Variants in NOL12 observed in about 807,000 individuals in gnomAD.
NOL12 encodes the protein nucleolar protein 12.
NOL12 carries 21 observed loss-of-function variants against 25.2 expected under a neutral mutation model. That is an observed-to-expected ratio of 0.83 (90% confidence interval 0.59 to 1.20). The LOEUF (loss-of-function observed/expected upper bound fraction) is 1.20, where lower values mean the gene tolerates loss of function less well. Among genes scored for constraint, NOL12 ranks in the 50% most tolerant of loss-of-function variants. The pLI is 0.00. For synonymous variants in NOL12, 133 were observed against 113.8 expected, an observed-to-expected ratio of 1.17 and a Z score of -1.08; for missense variants, 286 against 287.6, an observed-to-expected ratio of 0.99 and a Z score of 0.04.
Position 37,692,908 on chromosome 22 carries a change from T to G in NOL12, c.*1572T>G. ...CCACTGATGAAGGCTGGTGGGAGTC[T>G]GAGGGCTGCACCCGGGTATGGTGAG... On this transcript the variant is annotated 3_prime_UTR_variant, in exon 6 of 6. Coordinates refer to ENST00000359114, the MANE Select transcript of NOL12 (RefSeq NM_024313.3). The G allele has an allele frequency of 2.5e-6, 1 of 393,452 alleles. No individual in the cohort carries two copies. The highest frequency in any genetic ancestry group is 2.1e-5 in the African/African-American group (1 of 48,676). 24.4% of individuals were successfully genotyped at this position (393,452 alleles called of 1,614,324 possible). A position where few individuals can be genotyped will look rare whatever the true frequency, so the allele number is the denominator to read the frequency against.
At position 37,691,437 on chromosome 22, in the gene NOL12, C is replaced by A; in HGVS notation, c.*101C>A. The A allele has an allele frequency of 7.4e-7, 1 of 1,347,760 alleles. No individual in the cohort carries two copies. The highest frequency in any genetic ancestry group is 9.9e-7 in the Non-Finnish European group (1 of 1,014,002). The allele number at this position is 1,347,760 out of a possible 1,614,324, so 83.5% of individuals were successfully genotyped here. ...AGCCTGCACCTAGGTAATGACTGCACAGCTCAAGGTTGGGAAGCCAGGACC... is the reference window on the plus strand; with the variant it reads ...AGCCTGCACCTAGGTAATGACTGCAAAGCTCAAGGTTGGGAAGCCAGGACC... On this transcript the variant is annotated 3_prime_UTR_variant, in exon 6 of 6. Coordinates refer to ENST00000359114, the MANE Select transcript of NOL12 (RefSeq NM_024313.3).
chr22:37,687,611 C>A (rs1257899833), intron 1 of NOL12, among the ~76,000 whole-genome samples: 1 of 152,164 alleles, frequency 6.6e-6, no homozygotes, highest in African/African-American at 2.4e-5. Flanking sequence ...GCATGCGCCA[C>A]CAAGCCCAGC....
chr22:37,690,705 T>C lies in NOL12; in HGVS notation c.390T>C (p.Ala130=). Residue 130 remains alanine (A), a synonymous_variant, in exon 5 of 6, where the codon GCT becomes GCC. Coordinates refer to ENST00000359114, the MANE Select transcript of NOL12 (RefSeq NM_024313.3). Reference sequence around the variant, plus strand: ...GTCTTGTGCCTCTTTAGGGAGGGGCTGGAGACAGGTCTGAGGAGGAGGCGT... The same window carrying C: ...GTCTTGTGCCTCTTTAGGGAGGGGCCGGAGACAGGTCTGAGGAGGAGGCGT... ...LLGLTPPEGG[A]GDRSEEEASS... is the part of the protein sequence containing the mutation. 1.9e-6 allele frequency: 3 copies of C among 1,613,046 alleles called. No homozygotes were observed. The highest frequency in any genetic ancestry group is 2.5e-6 in the Non-Finnish European group (3 of 1,179,214).
Position 37,692,564 on chromosome 22 carries a change from AGAG to A in NOL12, c.*1232_*1234del, listed in dbSNP as rs898493984. On this transcript the variant is annotated 3_prime_UTR_variant, in exon 6 of 6. Transcript: ENST00000359114. ...GAGAATTTCAGGTTGTGCCTTGGTT[AGAG>A]GAGCTGTGTTGGGTCCTAAACACTA... 4.3e-5 allele frequency: 17 copies of A among 398,626 alleles called. No homozygotes were observed. The highest frequency in any genetic ancestry group is 7.1e-5 in the Non-Finnish European group (16 of 226,088). The allele number at this position is 398,626 out of a possible 1,614,324, so 24.7% of individuals were successfully genotyped here. A position where few individuals can be genotyped will look rare whatever the true frequency, so the allele number is the denominator to read the frequency against.
chr22:37,687,891 G>A lies in NOL12; in HGVS notation c.84-19G>A, dbSNP rs1257835531. 1 of 1,546,368 alleles carries A rather than the reference G, an allele frequency of 6.5e-7. No individual in the cohort carries two copies. The highest frequency in any genetic ancestry group is 8.8e-7 in the Non-Finnish European group (1 of 1,141,094). On this transcript the variant is annotated intron_variant, in intron 1 of 5. Coordinates refer to ENST00000359114, the MANE Select transcript of NOL12 (RefSeq NM_024313.3). Reference sequence around the variant, plus strand: ...CTTGTATAATGACTCTCCTGTCTCTGCCGGCTTCCTTCCTGTAGGGAGTAC... The same window carrying A: ...CTTGTATAATGACTCTCCTGTCTCTACCGGCTTCCTTCCTGTAGGGAGTAC...
chr22:37,687,157 C>A, intron 1 of NOL12: 1 of 930,022 alleles, frequency 1.1e-6, no homozygotes, highest in Non-Finnish European at 1.3e-6. Flanking sequence ...TGGTCCAGTG[C>A]AGGGTTTCCG....
intron 1 of NOL12, chr22:37,686,690 G>GCGC: frequency 1.0e-6 from 1 of 985,430 alleles, no homozygotes; most frequent in African/African-American, 1.7e-5. Flanking sequence ...TAGTGTCTGT[G>GCGC]CGCCGCCAGA....
At chr22:37,690,609 A>G in intron 4 of NOL12, 88 bp from the exon 5 acceptor site, 6 of 898,150 alleles carry the variant, frequency 6.7e-6, no homozygotes, top group South Asian at 1.5e-5. Context: ...GCGCGCCACC[A>G]CTTGCCAGAG....
At chr22:37,689,547 A>G (rs1417409824) in intron 4 of NOL12, among the ~76,000 whole-genome samples, 2 of 152,228 alleles carry the variant, frequency 1.3e-5, no homozygotes, top group Non-Finnish European at 2.9e-5. Flanking sequence ...AAAAAAAAAT[A>G]TAATTGAAAA....
At chr22:37,688,237 G>A in intron 2 of NOL12, 75 bp from the exon 3 acceptor site, 1 of 1,480,598 alleles carries the variant, frequency 6.8e-7, no homozygotes, top group South Asian at 1.1e-5. Context: ...CCTCACCCTG[G>A]GGGTGATTAA....
chr22:37,690,346 C>A (rs981608280), intron 4 of NOL12, among the ~76,000 whole-genome samples: 5 of 152,172 alleles, frequency 3.3e-5, no homozygotes, highest in Non-Finnish European at 5.9e-5. Flanking sequence ...CAAAACAAAA[C>A]AAAACCATAC....
At position 37,692,667 on chromosome 22, in the gene NOL12, C is replaced by T; in HGVS notation, c.*1331C>T. The T allele has an allele frequency of 2.5e-6, 1 of 398,918 alleles. No individual in the cohort carries two copies. Among genetic ancestry groups the T allele is most frequent in the Non-Finnish European group, 4.4e-6 (1 of 226,296 alleles). The allele number at this position is 398,918 out of a possible 1,614,324, so 24.7% of individuals were successfully genotyped here. On this transcript the variant is annotated 3_prime_UTR_variant, in exon 6 of 6. Coordinates refer to ENST00000359114, the MANE Select transcript of NOL12 (RefSeq NM_024313.3). ...GGACTATGGAGTCAGGATGACAGGA[C>T]AGTGCGGTGAGGGGCATCTGCGACA...
chr22:37,692,150 A>G lies in NOL12; in HGVS notation c.*814A>G. 1 of 180,810 alleles carries G rather than the reference A, an allele frequency of 5.5e-6. No individual in the cohort carries two copies. The highest frequency in any genetic ancestry group is 1.1e-5 in the Non-Finnish European group (1 of 87,334). The allele number at this position is 180,810 out of a possible 1,614,324, so 11.2% of individuals were successfully genotyped here. A position where few individuals can be genotyped will look rare whatever the true frequency, so the allele number is the denominator to read the frequency against. ...GGCGGGCAGATCACTTAAGGTCGGG[A>G]GCTCGAGACCAGCCTGGCCAACATG... On this transcript the variant is annotated 3_prime_UTR_variant, in exon 6 of 6. Transcript: ENST00000359114.
chr22:37,689,891 G>A (rs956045924), intron 4 of NOL12, among the ~76,000 whole-genome samples: 3 of 152,228 alleles, frequency 2.0e-5, no homozygotes, highest in Non-Finnish European at 4.4e-5. Flanking sequence ...TAGCCAGGGG[G>A]CCAGGCGCAG....
In NOL12 at chr22:37,691,357, C is replaced by A; in HGVS notation, c.*21C>A. ...AGTGAGACCGAGAACGAAGCGGTGC[C>A]CCAGTCTAGGCTGCGGGGACCTGTC... is the stretch of plus-strand genomic sequence containing the variant. On this transcript the variant is annotated 3_prime_UTR_variant, in exon 6 of 6. Coordinates refer to ENST00000359114, the MANE Select transcript of NOL12 (RefSeq NM_024313.3). The A allele has an allele frequency of 1.9e-6, 3 of 1,591,992 alleles. No homozygotes were observed. The highest frequency in any genetic ancestry group is 2.2e-5 in the South Asian group (2 of 89,028).
At chr22:37,689,970 G>A (rs764142480) in intron 4 of NOL12, among the ~76,000 whole-genome samples, 6 of 152,234 alleles carry the variant, frequency 3.9e-5, no homozygotes, top group Non-Finnish European at 7.3e-5. Context: ...TTGGGAGTTC[G>A]AGACCAGACT....
At position 37,692,439 on chromosome 22, in the gene NOL12, A is replaced by G; in HGVS notation, c.*1103A>G. The G allele has an allele frequency of 2.5e-6, 1 of 398,696 alleles. No homozygotes were observed. The highest frequency in any genetic ancestry group is 4.4e-6 in the Non-Finnish European group (1 of 226,100). 24.7% of individuals were successfully genotyped at this position (398,696 alleles called of 1,614,324 possible). A position where few individuals can be genotyped will look rare whatever the true frequency, so the allele number is the denominator to read the frequency against. On this transcript the variant is annotated 3_prime_UTR_variant, in exon 6 of 6. Coordinates refer to ENST00000359114, the MANE Select transcript of NOL12 (RefSeq NM_024313.3). ...AGAGTAGACCCTGCGGGTGCCAGCT[A>G]GAACTCCACAAGGGGCCATGTCTTC...
At chr22:37,690,643 C>G in intron 4 of NOL12, 54 bp from the exon 5 acceptor site, 2 of 1,374,592 alleles carry the variant, frequency 1.5e-6, no homozygotes, top group Non-Finnish European at 2.1e-6. Context: ...GGGTGCCCAG[C>G]CCAGGTCCCC....
At chr22:37,686,615 G>A in intron 1 of NOL12, 140 bp downstream of exon 1, 2 of 1,372,150 alleles carry the variant, frequency 1.5e-6, no homozygotes, top group South Asian at 1.7e-5. Flanking sequence ...CGGCCTTCCA[G>A]CCCGCGTTCC....
Sources: gnomAD v4.1 joint callset for allele counts (sites outside exome capture counted in the v4.1 genomes callset) on GRCh38, gnomAD v4.1.1 for gene constraint, MANE v1.5 for transcripts, NCBI Gene and HGNC (gene_info 2026-07-23, HGNC 2026-07-21) for gene names.